Variants in NRXN1 observed in about 807,000 individuals in gnomAD.
NRXN1 encodes the protein neurexin 1, also known as neurexin-1.
Under a neutral mutation model 150.9 loss-of-function variants are expected in NRXN1, and 39 were observed. The observed-to-expected ratio is 0.26, with a 90% confidence interval of 0.20 to 0.34. NRXN1 has a LOEUF of 0.34. NRXN1 is among the 10% of genes least tolerant of loss of function. NRXN1 has a pLI of 1.00. For synonymous variants in NRXN1, 924 were observed against 757.0 expected, an observed-to-expected ratio of 1.22 and a Z score of -3.62; for missense variants, 1,815 against 1,949.9, an observed-to-expected ratio of 0.93 and a Z score of 1.30.
chr2:50,533,680 G>C (rs1396062189), intron 10 of NRXN1, among the ~76,000 whole-genome samples: 1 of 152,094 alleles, frequency 6.6e-6, no homozygotes, highest in African/African-American at 2.4e-5. Context: ...GTGTGACCCT[G>C]GCCCCAGTCC....
At chr2:50,162,707 T>A (rs929966239) in intron 18 of NRXN1, among the ~76,000 whole-genome samples, 6 of 152,074 alleles carry the variant, frequency 3.9e-5, no homozygotes, top group African/African-American at 1.4e-4. Flanking sequence ...AAAAAATAAT[T>A]TGCAAAAATT....
intron 2 of NRXN1, among the ~76,000 whole-genome samples, chr2:50,988,786 T>G (rs765468185): frequency 6.6e-6 from 1 of 151,976 alleles, no homozygotes; most frequent in Non-Finnish European, 1.5e-5. Flanking sequence ...TTTCCCCAGT[T>G]TATTAGCTGT....
At chr2:50,116,523 T>G (rs1199286728) in intron 18 of NRXN1, among the ~76,000 whole-genome samples, 1 of 152,044 alleles carries the variant, frequency 6.6e-6, no homozygotes, top group East Asian at 1.9e-4. Context: ...TGGGGTCAGC[T>G]CTCTGCTTAA....
At chr2:50,785,009 A>G (rs1020001143) in intron 5 of NRXN1, among the ~76,000 whole-genome samples, 2 of 152,040 alleles carry the variant, frequency 1.3e-5, no homozygotes, top group Non-Finnish European at 2.9e-5. Flanking sequence ...TAAAGTTGTA[A>G]TTAGAGTTAA....
At chr2:50,600,242 T>C (rs1676020062) in intron 8 of NRXN1, among the ~76,000 whole-genome samples, 1 of 151,730 alleles carries the variant, frequency 6.6e-6, no homozygotes, top group South Asian at 2.1e-4. Flanking sequence ...AGATATATTA[T>C]GACTTGCAAA....
chr2:50,625,653 T>C (rs1387717793), intron 5 of NRXN1, among the ~76,000 whole-genome samples: 1 of 152,080 alleles, frequency 6.6e-6, no homozygotes, highest in East Asian at 1.9e-4. Context: ...ATATTACTAT[T>C]ATACTGAGAG....
chr2:50,611,584 T>C (rs568821297), intron 8 of NRXN1, among the ~76,000 whole-genome samples: 2 of 152,256 alleles, frequency 1.3e-5, no homozygotes, highest in East Asian at 3.9e-4. Context: ...TTCCCTTGCC[T>C]CCAAGGCTAC....
At chr2:50,755,430 G>C (rs1701052997) in intron 5 of NRXN1, among the ~76,000 whole-genome samples, 1 of 151,648 alleles carries the variant, frequency 6.6e-6, no homozygotes, top group African/African-American at 2.4e-5. Context: ...CACAAAACCA[G>C]AAAGCTTCAT....
intron 5 of NRXN1, among the ~76,000 whole-genome samples, chr2:50,686,440 A>T (rs1691244607): frequency 6.6e-6 from 1 of 152,138 alleles, no homozygotes. Flanking sequence ...GTTGAAAGGG[A>T]ACTATGTCAC....
At chr2:50,951,370 C>G (rs1691307572) in intron 2 of NRXN1, among the ~76,000 whole-genome samples, 1 of 152,132 alleles carries the variant, frequency 6.6e-6, no homozygotes, top group Non-Finnish European at 1.5e-5. Flanking sequence ...AAGGACAGTA[C>G]AGTATGCTCA....
chr2:50,828,194 A>C (rs1004747657), intron 5 of NRXN1, among the ~76,000 whole-genome samples: 1 of 130,808 alleles, frequency 7.6e-6, no homozygotes, highest in Non-Finnish European at 1.6e-5. Flanking sequence ...GGGCAGAGGC[A>C]CCCCTCACCT....
At chr2:50,776,358 A>G (rs917787141) in intron 5 of NRXN1, among the ~76,000 whole-genome samples, 5 of 152,020 alleles carry the variant, frequency 3.3e-5, no homozygotes, top group Non-Finnish European at 5.9e-5. Context: ...CATGTCCCTG[A>G]TTTGTCAGGT....
At chr2:50,538,945 A>T (rs1271129361) in intron 9 of NRXN1, among the ~76,000 whole-genome samples, 7 of 152,204 alleles carry the variant, frequency 4.6e-5, no homozygotes, top group African/African-American at 7.2e-5. Flanking sequence ...ATTAAAAATA[A>T]AGAAACTGTA....
intron 17 of NRXN1, among the ~76,000 whole-genome samples, chr2:50,327,489 C>T (rs1486996262): frequency 7.0e-6 from 1 of 143,656 alleles, no homozygotes; most frequent in East Asian, 2.1e-4. Context: ...TAAAATTATT[C>T]CACTGACTTA....
At chr2:50,316,450 G>A (rs2075612868) in intron 17 of NRXN1, among the ~76,000 whole-genome samples, 1 of 152,058 alleles carries the variant, frequency 6.6e-6, no homozygotes. Context: ...TGGAAGTCAA[G>A]CAACGGAAGA....
intron 5 of NRXN1, among the ~76,000 whole-genome samples, chr2:50,895,857 G>A (rs1019046756): frequency 6.6e-6 from 1 of 152,080 alleles, no homozygotes; most frequent in African/African-American, 2.4e-5. Flanking sequence ...TGGGATTACA[G>A]GCATGAGACA....
At chr2:50,354,557 A>ATATG in intron 17 of NRXN1, among the ~76,000 whole-genome samples, 1 of 83,036 alleles carries the variant, frequency 1.2e-5, no homozygotes, top group East Asian at 7.0e-4. Context: ...GTGCATACAT[A>ATATG]TATATATATA....
intron 17 of NRXN1, among the ~76,000 whole-genome samples, chr2:50,287,708 C>A (rs555052597): frequency 6.6e-6 from 1 of 152,086 alleles, no homozygotes; most frequent in African/African-American, 2.4e-5. Context: ...TAGTCTACCA[C>A]TTGTTAAATT....
intron 5 of NRXN1, among the ~76,000 whole-genome samples, chr2:50,657,622 G>A (rs937173053): frequency 6.6e-6 from 1 of 152,036 alleles, no homozygotes; most frequent in African/African-American, 2.4e-5. Context: ...TTCTAGAGAA[G>A]TGGTGGGTGT....
Sources: gnomAD v4.1 joint callset for allele counts (sites outside exome capture counted in the v4.1 genomes callset) on GRCh38, gnomAD v4.1.1 for gene constraint, MANE v1.5 for transcripts, NCBI Gene and HGNC (gene_info 2026-07-23, HGNC 2026-07-21) for gene names.